The following ATAD5 variants were observed in gnomAD, a reference collection of about 807,000 sequenced individuals.
ATAD5 encodes ATPase family AAA domain containing 5, also known as ATPase family AAA domain-containing protein 5.
In ATAD5, 58 loss-of-function variants were observed where a neutral mutation model predicts 176.9. The observed-to-expected ratio is 0.33, with a 90% CI of 0.27 to 0.41. The LOEUF is 0.41. Among genes scored for constraint, ATAD5 ranks in the 10% least tolerant of loss-of-function variants. The pLI is 1.00. For missense variants in ATAD5, 1,789 were observed against 2,094.1 expected, an observed-to-expected ratio of 0.85 and a Z score of 2.84; for synonymous variants, 640 against 712.6, an observed-to-expected ratio of 0.90 and a Z score of 1.62.
intron 6 of ATAD5, among the ~76,000 whole-genome samples, chr17:30,854,442 G>T (rs2142357451): frequency 6.9e-6 from 1 of 144,942 alleles, no homozygotes; most frequent in South Asian, 2.1e-4. Context: ...CATGATCTCG[G>T]CTCCCTGTAA....
intron 3 of ATAD5, among the ~76,000 whole-genome samples, chr17:30,839,442 A>T (rs940081157): frequency 6.6e-6 from 1 of 151,786 alleles, no homozygotes; most frequent in African/African-American, 2.4e-5. Context: ...ATGCCCAGCT[A>T]ATTTTTGTAT....
At chr17:30,837,581 A>C (rs1258154606) in intron 3 of ATAD5, among the ~76,000 whole-genome samples, 1 of 152,192 alleles carries the variant, frequency 6.6e-6, no homozygotes. Flanking sequence ...CATCGTGATC[A>C]TTTTTCCTAA....
intron 8 of ATAD5, among the ~76,000 whole-genome samples, 171 bp downstream of exon 8, chr17:30,857,283 A>G (rs1035354303): frequency 1.3e-5 from 2 of 151,742 alleles, no homozygotes; most frequent in Admixed American, 6.6e-5. Context: ...CAGTGGTGCA[A>G]TCTTGGCTCA....
intron 2 of ATAD5, 116 bp downstream of exon 2, chr17:30,836,164 A>C: frequency 1.1e-6 from 1 of 910,852 alleles, no homozygotes; most frequent in Non-Finnish European, 1.5e-6. Context: ...TGTTTAAAAG[A>C]AAAAGAACAG....
chr17:30,843,657 A>G (rs1597956723), intron 4 of ATAD5, among the ~76,000 whole-genome samples: 1 of 151,900 alleles, frequency 6.6e-6, no homozygotes, highest in East Asian at 1.9e-4. Flanking sequence ...TTCAAAAAAA[A>G]AAAAAGAATA....
At chr17:30,893,035 G>A (rs1236732059) in intron 20 of ATAD5, among the ~76,000 whole-genome samples, 1 of 152,102 alleles carries the variant, frequency 6.6e-6, no homozygotes, top group African/African-American at 2.4e-5. Context: ...CAGAAAAGTG[G>A]TTTTAAATAA....
intron 3 of ATAD5, among the ~76,000 whole-genome samples, chr17:30,839,580 CTTT>C (rs1250741925): frequency 4.5e-5 from 5 of 112,216 alleles, no homozygotes; most frequent in Admixed American, 9.2e-5. Context: ...CGGCCATCTT[CTTT>C]TTTTTTTTTT....
At position 30,835,205 on chromosome 17, in the gene ATAD5, A is replaced by C; in HGVS notation, c.1124A>C (p.Glu375Ala). 1 of 1,614,044 alleles carries C rather than the reference A, an allele frequency of 6.2e-7. No individual in the cohort carries two copies. The highest frequency in any genetic ancestry group is 1.7e-5 in the Admixed American group (1 of 60,018). ...QKRKSNVVIQ[E>A]EELELAVLEA... ...AGAAAATCTAATGTTGTTATACAGG[A>C]GGAAGAATTAGAATTGGCTGTTTTG... is the stretch of plus-strand genomic sequence containing the variant. Residue 375 changes from glutamate to alanine, a missense_variant, in exon 2 of 23, where the codon GAG (glutamate) becomes GCG (alanine). Glu to Ala is a moderately radical substitution (Grantham distance 107). Transcript: ENST00000321990.
At chr17:30,861,192 C>A (rs1402345427) in intron 10 of ATAD5, among the ~76,000 whole-genome samples, 1 of 126,408 alleles carries the variant, frequency 7.9e-6, no homozygotes, top group Admixed American at 8.4e-5. Flanking sequence ...AGGTGATCCA[C>A]CCCCCACCCC....
At position 30,859,721 on chromosome 17, in the gene ATAD5, GTTT is replaced by G. The variant is rs1489912293; in HGVS notation, c.2957-711_2957-709del. Among the ~76,000 whole-genome samples, 752 of 124,874 alleles carry G rather than the reference GTTT, an allele frequency of 6.0e-3. 18 individuals carry two copies. Among genetic ancestry groups the G allele is most frequent in the South Asian group, 0.013 (38 of 2,980 alleles). 81.9% of individuals were successfully genotyped at this position (124,874 alleles called of 152,430 possible). A position where few individuals can be genotyped will look rare whatever the true frequency, so the allele number is the denominator to read the frequency against. On this transcript the variant is annotated intron_variant, in intron 9 of 22. Transcript: ENST00000321990. ...TGTTGCCCAGGCTAGAATACAGTTT[GTTT>G]GTTTGTTTATTTATTTTTATTTTTT... is the stretch of plus-strand genomic sequence containing the variant.
intron 10 of ATAD5, among the ~76,000 whole-genome samples, chr17:30,860,815 CT>C (rs1344889197): frequency 1.3e-5 from 2 of 152,172 alleles, no homozygotes; most frequent in African/African-American, 2.4e-5. Flanking sequence ...TCTTCGCTCA[CT>C]GCAACGTCCC....
intron 14 of ATAD5, among the ~76,000 whole-genome samples, 161 bp from the exon 15 acceptor site, chr17:30,876,213 A>G (rs1908665758): frequency 6.6e-6 from 1 of 152,158 alleles, no homozygotes. Flanking sequence ...AAATAAATAT[A>G]GTAATATTTG....
chr17:30,857,141 G>T, intron 8 of ATAD5, 29 bp downstream of exon 8: 1 of 1,585,256 alleles, frequency 6.3e-7, no homozygotes, highest in South Asian at 1.2e-5. Flanking sequence ...ATCCATTGTA[G>T]AGTGTTTCCC....
intron 8 of ATAD5, 149 bp from the exon 9 acceptor site, chr17:30,858,011 TG>T: frequency 1.8e-6 from 1 of 563,096 alleles, no homozygotes; most frequent in Non-Finnish European, 2.7e-6. Context: ...CCCAAAGTGC[TG>T]GGAATATAGG....
chr17:30,892,317 C>T (rs1479320194), intron 19 of ATAD5, among the ~76,000 whole-genome samples: 3 of 151,058 alleles, frequency 2.0e-5, no homozygotes, highest in East Asian at 2.0e-4. Flanking sequence ...CCCGGCTACT[C>T]GGGAGGCTGA....
chr17:30,863,185 C>G (rs907920235), intron 10 of ATAD5, among the ~76,000 whole-genome samples: 3 of 151,936 alleles, frequency 2.0e-5, no homozygotes, highest in Non-Finnish European at 4.4e-5. Context: ...AAGACCCTGT[C>G]TCAAGAAAAA....
At chr17:30,875,538 T>C (rs1319082395) in intron 14 of ATAD5, among the ~76,000 whole-genome samples, 1 of 152,062 alleles carries the variant, frequency 6.6e-6, no homozygotes, top group East Asian at 1.9e-4. Context: ...GGCCCACGCT[T>C]GTAATCCTAG....
At chr17:30,889,104 AC>A (rs2142449050) in intron 19 of ATAD5, among the ~76,000 whole-genome samples, 1 of 150,758 alleles carries the variant, frequency 6.6e-6, no homozygotes, top group East Asian at 1.9e-4. Flanking sequence ...AAATTAAAAA[AC>A]AAACACAAAA....
At chr17:30,886,898 G>C (rs1005873957) in intron 18 of ATAD5, among the ~76,000 whole-genome samples, 8 of 152,124 alleles carry the variant, frequency 5.3e-5, no homozygotes, top group African/African-American at 1.9e-4. Flanking sequence ...TTAATCCTAA[G>C]GGGTTTTATC....
Sources: gnomAD v4.1 joint callset for allele counts (sites outside exome capture counted in the v4.1 genomes callset) on GRCh38, gnomAD v4.1.1 for gene constraint, MANE v1.5 for transcripts, NCBI Gene and HGNC (gene_info 2026-07-23, HGNC 2026-07-21) for gene names.